The following TENM3 variants were observed in gnomAD, a reference collection of about 807,000 sequenced individuals.
TENM3 encodes the protein teneurin transmembrane protein 3.
Under a neutral mutation model 255.1 loss-of-function variants are expected in TENM3, and 63 were observed. The ratio of observed to expected loss-of-function variants is 0.25; its 90% CI spans 0.20 to 0.30. The LOEUF (loss-of-function observed/expected upper bound fraction) is 0.30. TENM3 is among the 10% of genes least tolerant of loss of function. TENM3 has a pLI of 1.00. For missense variants in TENM3, 2,929 were observed against 3,461.1 expected (o/e 0.85, Z 3.86); for synonymous variants, 1,306 against 1,322.3 (o/e 0.99, Z 0.27).
the TENM3 span, among the ~76,000 whole-genome samples, chr4:181,464,637 AT>A: frequency 7.0e-3 from 1,059 of 150,850 alleles, 14 homozygotes; most frequent in African/African-American, 0.024. Context: ...TTAGAAGCAT[AT>A]TTTTTTTTCA....
chr4:182,489,616 A>G (rs1735086093), intron 3 of TENM3, among the ~76,000 whole-genome samples: 1 of 152,212 alleles, frequency 6.6e-6, no homozygotes, highest in Non-Finnish European at 1.5e-5. Flanking sequence ...TTCTCATCAC[A>G]TGTAACAGAC....
chr4:182,421,323 G>T (rs1770819141), intron 3 of TENM3, among the ~76,000 whole-genome samples: 1 of 152,074 alleles, frequency 6.6e-6, no homozygotes, highest in Non-Finnish European at 1.5e-5. Context: ...AGAGATTAAG[G>T]ATCATCCAAC....
chr4:182,586,943 A>G (rs1250378032), intron 3 of TENM3, among the ~76,000 whole-genome samples: 1 of 152,232 alleles, frequency 6.6e-6, no homozygotes, highest in Non-Finnish European at 1.5e-5. Context: ...GTGCTCTTCA[A>G]TTATTTGTTT....
the TENM3 span, among the ~76,000 whole-genome samples, chr4:181,669,987 A>G: frequency 6.6e-6 from 1 of 152,214 alleles, no homozygotes; most frequent in East Asian, 1.9e-4. Flanking sequence ...TTATTCCGTT[A>G]AAGGGCAGTT....
At chr4:182,066,398 A>G in the TENM3 span, among the ~76,000 whole-genome samples, 1 of 152,118 alleles carries the variant, frequency 6.6e-6, no homozygotes, top group Non-Finnish European at 1.5e-5. Flanking sequence ...AGTGATAATG[A>G]TGTCAATAAC....
chr4:181,583,127 G>GCA, the TENM3 span, among the ~76,000 whole-genome samples: 10 of 5,200 alleles, frequency 1.9e-3, no homozygotes, highest in African/African-American at 2.4e-3. Flanking sequence ...CCCTTCTGTA[G>GCA]TATTTTTTTT....
At chr4:182,725,636 CTTTTTTT>C (rs5864795) in intron 13 of TENM3, among the ~76,000 whole-genome samples, 19 of 133,674 alleles carry the variant, frequency 1.4e-4, no homozygotes, top group African/African-American at 5.3e-4. Flanking sequence ...TCTTTTTTTT[CTTTTTTT>C]TTTTTTCTTT....
intron 3 of TENM3, among the ~76,000 whole-genome samples, chr4:182,509,798 G>T (rs78378497): frequency 0.076 from 11,610 of 152,066 alleles, 501 homozygotes; most frequent in East Asian, 0.11. Context: ...CTAGCTGGGG[G>T]TGGTGGCGCA....
chr4:182,168,736 G>A (rs1409914441), intron 1 of TENM3, among the ~76,000 whole-genome samples: 1 of 152,002 alleles, frequency 6.6e-6, no homozygotes, highest in Non-Finnish European at 1.5e-5. Flanking sequence ...TGAATTATAG[G>A]TATGGATAAT....
intron 26 of TENM3, among the ~76,000 whole-genome samples, chr4:182,795,211 C>T (rs948928917): frequency 3.3e-5 from 5 of 152,148 alleles, no homozygotes. Context: ...TTCAGCAGCA[C>T]CCTTATTCTC....
At chr4:181,510,192 T>C in the TENM3 span, among the ~76,000 whole-genome samples, 1 of 152,232 alleles carries the variant, frequency 6.6e-6, no homozygotes, top group Non-Finnish European at 1.5e-5. Context: ...CCATATTTAT[T>C]GGCAGTTAAC....
chr4:182,206,581 G>A (rs1042244650), intron 1 of TENM3, among the ~76,000 whole-genome samples: 5 of 152,304 alleles, frequency 3.3e-5, no homozygotes, highest in South Asian at 2.1e-4. Context: ...TTCCTCATGC[G>A]TGTCATAGAC....
intron 1 of TENM3, among the ~76,000 whole-genome samples, chr4:182,306,130 C>T (rs1762117548): frequency 6.6e-6 from 1 of 152,080 alleles, no homozygotes; most frequent in Non-Finnish European, 1.5e-5. Context: ...AAAGAGGGCC[C>T]CCTCCTCTGT....
chr4:181,715,151 A>G, the TENM3 span, among the ~76,000 whole-genome samples: 1 of 152,188 alleles, frequency 6.6e-6, no homozygotes, highest in East Asian at 1.9e-4. Flanking sequence ...TACTGTATAC[A>G]TTATTCTTTA....
intron 4 of TENM3, among the ~76,000 whole-genome samples, chr4:182,601,584 T>A (rs1581068147): frequency 2.0e-5 from 3 of 152,334 alleles, no homozygotes; most frequent in South Asian, 2.1e-4. Context: ...TTACATCATA[T>A]ATTCATAGTG....
the TENM3 span, among the ~76,000 whole-genome samples, chr4:181,685,309 G>T: frequency 6.6e-6 from 1 of 152,100 alleles, no homozygotes; most frequent in African/African-American, 2.4e-5. Flanking sequence ...AAACTTTCAA[G>T]TGAAACTGAA....
the TENM3 span, among the ~76,000 whole-genome samples, chr4:181,955,742 A>G: frequency 6.6e-6 from 1 of 152,176 alleles, no homozygotes; most frequent in African/African-American, 2.4e-5. Flanking sequence ...CATGGTAGAA[A>G]GAGTGCTTTA....
chr4:181,786,941 C>A, the TENM3 span, among the ~76,000 whole-genome samples: 1 of 152,202 alleles, frequency 6.6e-6, no homozygotes, highest in Non-Finnish European at 1.5e-5. Flanking sequence ...CTCCTTTCAT[C>A]TGACCAGAAA....
chr4:182,717,059 A>AAAG (rs10687362), intron 13 of TENM3, among the ~76,000 whole-genome samples: 138,409 of 151,988 alleles, frequency 0.91, 63,449 homozygotes, highest in East Asian at 1. Context: ...TCCCGGAACT[A>AAAG]AAGAAGTATC....
Sources: allele counts gnomAD v4.1 joint callset (sites outside exome capture counted in the v4.1 genomes callset), GRCh38; gene constraint gnomAD v4.1.1; transcripts MANE v1.5; gene names NCBI Gene and HGNC (gene_info 2026-07-23, HGNC 2026-07-21).